The following JAKMIP1 variants were observed in gnomAD, a reference collection of about 807,000 sequenced individuals.
The protein encoded by JAKMIP1 is janus kinase and microtubule interacting protein 1.
In JAKMIP1, 33 loss-of-function variants were observed where a neutral mutation model predicts 113.0. The observed-to-expected ratio is 0.29, with a 90% CI of 0.22 to 0.39. The LOEUF is 0.39. JAKMIP1 is among the 10% of genes least tolerant of loss of function. The probability of loss-of-function intolerance (pLI) is 1.00; values close to 1 mark genes in which losing one functional copy is unlikely to be tolerated. For missense variants in JAKMIP1, 813 were observed against 1,080.5 expected (o/e 0.75, Z 3.47); for synonymous variants, 480 against 459.9 (o/e 1.04, Z -0.56).
intron 2 of JAKMIP1, among the ~76,000 whole-genome samples, chr4:6,112,340 C>T (rs947001731): frequency 1.7e-4 from 26 of 152,236 alleles, no homozygotes; most frequent in African/African-American, 6.3e-4. Context: ...ATAATGAATG[C>T]TGTCTGACCA....
intron 1 of JAKMIP1, among the ~76,000 whole-genome samples, chr4:6,121,658 C>G (rs1716734750): frequency 6.6e-6 from 1 of 152,242 alleles, no homozygotes; most frequent in Non-Finnish European, 1.5e-5. Flanking sequence ...GCCCTCGGCA[C>G]ACGCCATCTA....
chr4:6,037,409 T>C (rs10526085), intron 18 of JAKMIP1, among the ~76,000 whole-genome samples: 7 of 76,458 alleles, frequency 9.2e-5, no homozygotes, highest in South Asian at 4.3e-4. Context: ...GAGGCAGAGG[T>C]TAACCCAGTA....
chr4:6,119,654 A>G (rs944850866), intron 1 of JAKMIP1, among the ~76,000 whole-genome samples: 3 of 152,230 alleles, frequency 2.0e-5, no homozygotes, highest in African/African-American at 7.2e-5. Context: ...AGTCTGAATA[A>G]GCCTTGCCTT....
rs56832267 is a variant in JAKMIP1 at position 6,069,752 on chromosome 4, CAA to C, written c.1303-4746_1303-4745del. Among the ~76,000 whole-genome samples, 63,724 of 124,900 alleles carry C rather than the reference CAA, an allele frequency of 0.51. 16,506 individuals are homozygous for C. The highest frequency in any genetic ancestry group is 0.66 in the Non-Finnish European group (39,897 of 60,074). 81.9% of individuals were successfully genotyped at this position (124,900 alleles called of 152,430 possible). A position where few individuals can be genotyped will look rare whatever the true frequency, so the allele number is the denominator to read the frequency against. On this transcript the variant is annotated intron_variant, in intron 8 of 20. Transcript: ENST00000409021. This position sits in a 1 kb window ranked among gnomAD's most constrained non-coding sequence, Gnocchi z 4.5. ...TGGGTGACAGGGCAAGATCCTGTCT[CAA>C]AAAAAAAAAAAAAAAGATTCAGTTT...
In JAKMIP1 at chr4:6,071,053, C is replaced by T. The variant is rs1177232247; in HGVS notation, c.1303-6045G>A. Among the ~76,000 whole-genome samples, 8 of 152,366 alleles carry T rather than the reference C, an allele frequency of 5.3e-5. No individual in the cohort carries two copies. The East Asian group carries it at 1.5e-3, about 29-fold the overall frequency. ...CAATATTAAAGGGCAATGGATAATTCATAAAAGAAATGTACATAGCAAAGT... is the reference window on the plus strand; with the variant it reads ...CAATATTAAAGGGCAATGGATAATTTATAAAAGAAATGTACATAGCAAAGT... On this transcript the variant is annotated intron_variant, in intron 8 of 20. Coordinates refer to ENST00000409021, the MANE Select transcript of JAKMIP1 (RefSeq NM_001099433.2).
At chr4:6,047,513 G>A (rs756945220) in intron 16 of JAKMIP1, among the ~76,000 whole-genome samples, 10 of 152,170 alleles carry the variant, frequency 6.6e-5, no homozygotes, top group Non-Finnish European at 1.0e-4. Context: ...CCCGTCCCGC[G>A]GTTCACCAGA....
At chr4:6,125,766 CAT>C in intron 1 of JAKMIP1, among the ~76,000 whole-genome samples, 1 of 142,890 alleles carries the variant, frequency 7.0e-6, no homozygotes, top group African/African-American at 2.6e-5. Flanking sequence ...ACACGCACAC[CAT>C]ACACACCATG....
intron 18 of JAKMIP1, among the ~76,000 whole-genome samples, chr4:6,036,618 G>A (rs961864117): frequency 7.1e-6 from 1 of 141,056 alleles, no homozygotes; most frequent in African/African-American, 2.8e-5. Flanking sequence ...CCCAACAAAA[G>A]CAAGCCACCC....
intron 1 of JAKMIP1, among the ~76,000 whole-genome samples, chr4:6,133,794 G>A (rs987954999): frequency 6.6e-6 from 1 of 152,178 alleles, no homozygotes; most frequent in Non-Finnish European, 1.5e-5. Context: ...GGAGGTAGGG[G>A]TCATATGACT....
chr4:6,184,752 G>A lies in JAKMIP1; in HGVS notation c.-148+15501C>T, dbSNP rs1381054906. On this transcript the variant is annotated intron_variant, in intron 1 of 20. Coordinates refer to ENST00000409021, the MANE Select transcript of JAKMIP1 (RefSeq NM_001099433.2). This position sits in a 1 kb window ranked among gnomAD's most constrained non-coding sequence, Gnocchi z 4.5. ...TAAGTGGAGTGATGGTTAATATTGA[G>A]TGTCAACTCGATTGGACAGAAGGAT... is the stretch of plus-strand genomic sequence containing the variant. Among the ~76,000 whole-genome samples the A allele has an allele frequency of 6.6e-6, 1 of 152,194 alleles. No individual in the cohort carries two copies. The highest frequency in any genetic ancestry group is 2.4e-5 in the African/African-American group (1 of 41,450).
intron 18 of JAKMIP1, among the ~76,000 whole-genome samples, chr4:6,038,539 C>A (rs558843341): frequency 1.3e-5 from 2 of 151,900 alleles, no homozygotes; most frequent in Non-Finnish European, 2.9e-5. Flanking sequence ...CCTCCATCAC[C>A]GAGGAAGAGG....
rs1413495995 is a variant in JAKMIP1, at chr4:6,049,498, C to T, written c.1962+321G>A. Reference sequence around the variant, plus strand: ...TGTGAAACATGGCTACATGCAAGCTCATCTTTCAGGACGGCAAAAAGATCC... The same window carrying T: ...TGTGAAACATGGCTACATGCAAGCTTATCTTTCAGGACGGCAAAAAGATCC... On this transcript the variant is annotated intron_variant, in intron 15 of 20. Coordinates refer to ENST00000409021, the MANE Select transcript of JAKMIP1 (RefSeq NM_001099433.2). This position sits in a 1 kb window ranked among gnomAD's most constrained non-coding sequence, Gnocchi z 7.0. Among the ~76,000 whole-genome samples the T allele has an allele frequency of 6.6e-6, 1 of 152,004 alleles. No homozygotes were observed. The highest frequency in any genetic ancestry group is 2.4e-5 in the African/African-American group (1 of 41,384).
chr4:6,085,323 T>A, intron 4 of JAKMIP1, 97 bp downstream of exon 4: 1 of 1,015,714 alleles, frequency 9.8e-7, no homozygotes, highest in Non-Finnish European at 1.4e-6. Flanking sequence ...AATGAGTGAA[T>A]ACATGCCACC....
At chr4:6,161,121 TCTCCCCTGATCTCCACTCAC>T (rs1560298176) in intron 1 of JAKMIP1, among the ~76,000 whole-genome samples, 39 of 110,676 alleles carry the variant, frequency 3.5e-4, no homozygotes, top group East Asian at 8.4e-4. Flanking sequence ...TCTCCACTCA[TCTCCCCTGATCTCCACTCAC>T]CTCCCCTGAT....
chr4:6,133,796 C>T (rs1718856902), intron 1 of JAKMIP1, among the ~76,000 whole-genome samples: 1 of 152,188 alleles, frequency 6.6e-6, no homozygotes, highest in African/African-American at 2.4e-5. Context: ...AGGTAGGGGT[C>T]ATATGACTAG....
chr4:6,029,345 A>G (rs546484650), intron 20 of JAKMIP1, among the ~76,000 whole-genome samples: 1 of 152,306 alleles, frequency 6.6e-6, no homozygotes, highest in South Asian at 2.1e-4. Context: ...TTAAAAAGTG[A>G]ATGAGTCCAT....
At position 6,137,527 on chromosome 4, in the gene JAKMIP1, C is replaced by A. The variant is rs1024162211; in HGVS notation, c.-147-24530G>T. Among the ~76,000 whole-genome samples, 2 of 152,212 alleles carry A rather than the reference C, an allele frequency of 1.3e-5. No homozygotes were observed. Among genetic ancestry groups the A allele is most frequent in the Non-Finnish European group, 2.9e-5 (2 of 68,042 alleles). The stretch of plus-strand genomic sequence containing the variant: ...CTTCAAGTCCTTTGCTCAGGGAAAT[C>A]AGGAGCTGTGATTTGGTTGAACGTT... On this transcript the variant is annotated intron_variant, in intron 1 of 20. Coordinates refer to ENST00000409021, the MANE Select transcript of JAKMIP1 (RefSeq NM_001099433.2). This position sits in a 1 kb window ranked among gnomAD's most constrained non-coding sequence, Gnocchi z 4.5.
chr4:6,090,411 A>C (rs567868407), intron 3 of JAKMIP1, among the ~76,000 whole-genome samples: 1 of 152,250 alleles, frequency 6.6e-6, no homozygotes, highest in African/African-American at 2.4e-5. Flanking sequence ...GGCCCAGCTG[A>C]TATCTTGATT....
At position 6,199,744 on chromosome 4, in the gene JAKMIP1, C is replaced by G. The variant is rs1030674748; in HGVS notation, c.-148+509G>C. ...GCCTTCGGGCCCCGCGCCGCCGGGG[C>G]GCGGCCCCCAGCTCCATCTTCTTTG... On this transcript the variant is annotated intron_variant, in intron 1 of 20. Coordinates refer to ENST00000409021, the MANE Select transcript of JAKMIP1 (RefSeq NM_001099433.2). The surrounding 1 kb of genome is among the most constrained non-coding windows in gnomAD (Gnocchi z 5.6). Among the ~76,000 whole-genome samples the G allele has an allele frequency of 1.3e-4, 20 of 151,352 alleles. No individual in the cohort carries two copies. The highest frequency in any genetic ancestry group is 4.1e-4 in the African/African-American group (17 of 41,292).
Sources: gnomAD v4.1 joint callset for allele counts (sites outside exome capture counted in the v4.1 genomes callset) on GRCh38, gnomAD v4.1.1 for gene constraint, Gnocchi (gnomAD v3.1) non-coding constraint, MANE v1.5 for transcripts, NCBI Gene and HGNC (gene_info 2026-07-23, HGNC 2026-07-21) for gene names.